The following MOB1B variants were observed in gnomAD, a reference collection of about 807,000 sequenced individuals.
The protein encoded by MOB1B is MOB kinase activator 1B.
In MOB1B, 19 loss-of-function variants were observed where a neutral mutation model predicts 24.4. The observed-to-expected ratio is 0.78, with a 90% CI of 0.54 to 1.14. The LOEUF is 1.14. Ranked by LOEUF, MOB1B falls within the 50% of genes most tolerant of loss-of-function variation. The pLI, the probability that MOB1B is intolerant of heterozygous loss-of-function variation, is 0.00. For missense variants in MOB1B, 243 were observed against 259.6 expected, an observed-to-expected ratio of 0.94 and a Z score of 0.44; for synonymous variants, 76 against 82.1, an observed-to-expected ratio of 0.93 and a Z score of 0.40.
intron 1 of MOB1B, among the ~76,000 whole-genome samples, chr4:70,930,110 C>G (rs1736830542): frequency 1.3e-5 from 2 of 152,042 alleles, no homozygotes; most frequent in Non-Finnish European, 1.5e-5. Flanking sequence ...TAACAATTTA[C>G]TAGAAAAATA....
At chr4:70,926,392 T>G (rs1736657496) in intron 1 of MOB1B, among the ~76,000 whole-genome samples, 2 of 152,152 alleles carry the variant, frequency 1.3e-5, no homozygotes, top group Non-Finnish European at 2.9e-5. Flanking sequence ...ATGACTTAAT[T>G]TCTTAGTTTC....
intron 1 of MOB1B, among the ~76,000 whole-genome samples, chr4:70,928,554 A>C (rs543844248): frequency 6.6e-6 from 1 of 152,190 alleles, no homozygotes; most frequent in African/African-American, 2.4e-5. Context: ...TCAGCCTCCC[A>C]AAGTGCTGGA....
chr4:70,948,925 A>G (rs908628362), intron 1 of MOB1B, among the ~76,000 whole-genome samples: 3 of 152,044 alleles, frequency 2.0e-5, no homozygotes, highest in Non-Finnish European at 4.4e-5. Context: ...GTGCTTGCCT[A>G]CTTCTCAGAA....
chr4:70,904,668 A>G (rs1422150244), intron 1 of MOB1B, among the ~76,000 whole-genome samples: 1 of 150,434 alleles, frequency 6.6e-6, no homozygotes, highest in Non-Finnish European at 1.5e-5. Flanking sequence ...CTGAGACGGG[A>G]GTATCACTTG....
chr4:70,982,040 A>C lies in MOB1B; in HGVS notation c.634A>C (p.Thr212Pro), dbSNP rs1739229801. ...APLQELIEKL[T>P]SKDR ...ACTCCAAGAACTGATTGAAAAACTCACCTCAAAAGACAGATAAAAGGATGC... is the reference window on the plus strand; with the variant it reads ...ACTCCAAGAACTGATTGAAAAACTCCCCTCAAAAGACAGATAAAAGGATGC... The change falls in exon 6 of 6, where the codon ACC becomes CCC. Residue 212 changes from threonine (T) to proline (P), a missense_variant. By Grantham distance (38) the Thr-to-Pro change is conservative (BLOSUM62 -1). Coordinates refer to ENST00000309395, the MANE Select transcript of MOB1B (RefSeq NM_173468.4). The C allele has an allele frequency of 6.2e-7, 1 of 1,611,344 alleles. No individual in the cohort carries two copies. Among genetic ancestry groups the C allele is most frequent in the Non-Finnish European group, 8.5e-7 (1 of 1,177,806 alleles).
rs541028817 is a variant in MOB1B, at chr4:70,952,642, C to CAA, written c.15-6216_15-6215dup. Among the ~76,000 whole-genome samples the CAA allele has an allele frequency of 3.2e-3, 171 of 53,818 alleles. 2 individuals carry two copies. The highest frequency in any genetic ancestry group is 8.3e-3 in the East Asian group (17 of 2,050). The allele number at this position is 53,818 out of a possible 152,430, so 35.3% of individuals were successfully genotyped here. On this transcript the variant is annotated intron_variant, in intron 1 of 5. Coordinates refer to ENST00000309395, the MANE Select transcript of MOB1B (RefSeq NM_173468.4). ...TGGGCGACAGAGCGAGACGCCGTCT[C>CAA]AAAAAAAAAAAAAAAAACAAAACAA...
At chr4:70,954,340 C>G (rs950289538) in intron 1 of MOB1B, among the ~76,000 whole-genome samples, 7 of 152,200 alleles carry the variant, frequency 4.6e-5, no homozygotes, top group Non-Finnish European at 5.9e-5. Context: ...TAGGCTTTCA[C>G]TGCTAAAGAA....
chr4:70,963,726 G>T (rs542549590), intron 2 of MOB1B, among the ~76,000 whole-genome samples: 2 of 152,206 alleles, frequency 1.3e-5, no homozygotes, highest in South Asian at 2.1e-4. Flanking sequence ...AGGCTGAGGT[G>T]GGAAGATCGC....
chr4:70,970,652 C>G (rs1738716268), intron 3 of MOB1B, among the ~76,000 whole-genome samples: 1 of 152,082 alleles, frequency 6.6e-6, no homozygotes, highest in South Asian at 2.1e-4. Context: ...ATGACAGTTA[C>G]CATTTATTTA....
intron 1 of MOB1B, among the ~76,000 whole-genome samples, chr4:70,906,747 C>G (rs1421789355): frequency 6.6e-6 from 1 of 152,122 alleles, no homozygotes; most frequent in Non-Finnish European, 1.5e-5. Context: ...CTCTGTGTAT[C>G]TTCAGATTAA....
chr4:70,906,981 G>GT (rs1735774665), intron 1 of MOB1B, among the ~76,000 whole-genome samples: 1 of 152,198 alleles, frequency 6.6e-6, no homozygotes. Context: ...CTTTAGGAAA[G>GT]TTTCATGAAA....
In MOB1B at chr4:70,925,416, A is replaced by G. The variant is rs115016898; in HGVS notation, c.14+22866A>G. ...CTAGGGATAACTATACTTGTTAGTG[A>G]TGTCTTTGCCTTTTTTGATATCACT... is the stretch of plus-strand genomic sequence containing the variant. On this transcript the variant is annotated intron_variant, in intron 1 of 5. Coordinates refer to ENST00000309395, the MANE Select transcript of MOB1B (RefSeq NM_173468.4). Among the ~76,000 whole-genome samples the G allele has an allele frequency of 3.8e-3, 574 of 152,280 alleles. 2 individuals carry two copies. The highest frequency in any genetic ancestry group is 0.013 in the African/African-American group (545 of 41,542).
intron 1 of MOB1B, among the ~76,000 whole-genome samples, chr4:70,921,479 T>TCC (rs1736433797): frequency 4.9e-5 from 5 of 101,468 alleles, no homozygotes; most frequent in South Asian, 3.7e-4. Context: ...TCTCTTCTCT[T>TCC]CTCTCCCCTC....
intron 2 of MOB1B, among the ~76,000 whole-genome samples, chr4:70,963,882 T>C (rs1371780549): frequency 2.0e-5 from 3 of 152,066 alleles, no homozygotes; most frequent in African/African-American, 7.2e-5. Flanking sequence ...TCAAGATGAT[T>C]ACAAAGCAAA....
At chr4:70,972,822 G>A (rs944961344) in intron 3 of MOB1B, among the ~76,000 whole-genome samples, 11 of 152,058 alleles carry the variant, frequency 7.2e-5, no homozygotes, top group Middle Eastern at 3.4e-3. Context: ...CACCCAGGCC[G>A]GAGTGCAGTG....
chr4:70,944,250 G>A (rs1030149247), intron 1 of MOB1B, among the ~76,000 whole-genome samples: 2 of 152,286 alleles, frequency 1.3e-5, no homozygotes, highest in Admixed American at 6.5e-5. Flanking sequence ...GGCCAGGCTG[G>A]TCTCAAACTC....
At chr4:70,979,463 A>G (rs1348733001) in intron 5 of MOB1B, among the ~76,000 whole-genome samples, 172 bp downstream of exon 5, 1 of 152,110 alleles carries the variant, frequency 6.6e-6, no homozygotes, top group Non-Finnish European at 1.5e-5. Flanking sequence ...TCTAAATTTT[A>G]TTAGTTTCCA....
intron 2 of MOB1B, among the ~76,000 whole-genome samples, chr4:70,967,589 A>G (rs1283002689): frequency 1.3e-5 from 2 of 152,216 alleles, no homozygotes; most frequent in Non-Finnish European, 2.9e-5. Context: ...ATATGTTGAA[A>G]ATCTAAAAGA....
At chr4:70,939,822 T>A (rs1737257519) in intron 1 of MOB1B, among the ~76,000 whole-genome samples, 1 of 152,210 alleles carries the variant, frequency 6.6e-6, no homozygotes, top group Non-Finnish European at 1.5e-5. Flanking sequence ...ATCCCGGAGT[T>A]CTTGCCTTGG....
Sources: allele counts gnomAD v4.1 joint callset (sites outside exome capture counted in the v4.1 genomes callset), GRCh38; gene constraint gnomAD v4.1.1; transcripts MANE v1.5; gene names NCBI Gene and HGNC (gene_info 2026-07-23, HGNC 2026-07-21).